The following PLEKHH2 variants were observed in gnomAD, a reference collection of about 807,000 sequenced individuals.
PLEKHH2 encodes the protein pleckstrin homology domain-containing family H member 2.
A neutral mutation model predicts 187.9 loss-of-function variants in PLEKHH2; 129 were observed. The ratio of observed to expected loss-of-function variants is 0.69; its 90% CI spans 0.59 to 0.79. The LOEUF (loss-of-function observed/expected upper bound fraction) is 0.79, where lower values mean the gene tolerates loss of function less well. PLEKHH2 is among the 30% of genes least tolerant of loss of function. The probability of loss-of-function intolerance (pLI) is 0.00; values close to 1 mark genes in which losing one functional copy is unlikely to be tolerated. For synonymous variants in PLEKHH2, 686 were observed against 605.6 expected (o/e 1.13, Z -1.95); for missense variants, 2,076 against 1,751.2 (o/e 1.19, Z -3.31).
At chr2:43,637,462 G>C (rs1377668160) in intron 1 of PLEKHH2, 83 bp downstream of exon 1, 3 of 152,524 alleles carry the variant, frequency 2.0e-5, no homozygotes, top group East Asian at 3.9e-4. Flanking sequence ...CCCCGTCCAG[G>C]GGGGCTCGCG....
intron 1 of PLEKHH2, among the ~76,000 whole-genome samples, chr2:43,641,980 A>G (rs1665959876): frequency 1.3e-5 from 2 of 152,208 alleles, no homozygotes; most frequent in Admixed American, 1.3e-4. Flanking sequence ...ATTTCCAGGC[A>G]AAGTTTGATC....
At chr2:43,738,046 G>A (rs1399854808) in intron 19 of PLEKHH2, among the ~76,000 whole-genome samples, 1 of 152,192 alleles carries the variant, frequency 6.6e-6, no homozygotes. Flanking sequence ...CATGTATTCT[G>A]AAGCTCTGTT....
chr2:43,732,626 A>G (rs1444223818), intron 19 of PLEKHH2, among the ~76,000 whole-genome samples: 1 of 152,152 alleles, frequency 6.6e-6, no homozygotes, highest in Non-Finnish European at 1.5e-5. Context: ...CTAGCCTACA[A>G]GCTCTTATAT....
chr2:43,717,146 G>A (rs1670252037), intron 15 of PLEKHH2, among the ~76,000 whole-genome samples: 1 of 152,168 alleles, frequency 6.6e-6, no homozygotes, highest in Non-Finnish European at 1.5e-5. Flanking sequence ...GGCCAAGCAT[G>A]GTGGCTCATG....
At chr2:43,680,822 A>G (rs2104432843) in intron 3 of PLEKHH2, 1 of 439,866 alleles carries the variant, frequency 2.3e-6, no homozygotes, top group Non-Finnish European at 4.2e-6. Flanking sequence ...ATCTTTCTTG[A>G]TTGTATTTGC....
intron 19 of PLEKHH2, among the ~76,000 whole-genome samples, chr2:43,734,733 A>G (rs1399527252): frequency 6.6e-6 from 1 of 152,288 alleles, no homozygotes; most frequent in Middle Eastern, 3.2e-3. Context: ...CATGTGATCC[A>G]GCAGTCTCAC....
intron 2 of PLEKHH2, among the ~76,000 whole-genome samples, chr2:43,674,564 A>T (rs1042155806): frequency 1.9e-4 from 29 of 152,226 alleles, no homozygotes; most frequent in African/African-American, 7.0e-4. Flanking sequence ...TGCTCATTAA[A>T]CATTTGAAAT....
At chr2:43,700,792 G>A (rs559212491) in intron 8 of PLEKHH2, among the ~76,000 whole-genome samples, 184 bp downstream of exon 8, 1 of 152,008 alleles carries the variant, frequency 6.6e-6, no homozygotes, top group Non-Finnish European at 1.5e-5. Context: ...AGCTGATACA[G>A]GCATGCACTA....
intron 20 of PLEKHH2, 107 bp from the exon 21 acceptor site, chr2:43,740,839 A>G (rs941209571): frequency 1.0e-5 from 15 of 1,461,870 alleles, no homozygotes; most frequent in Middle Eastern, 2.5e-4. Context: ...GAAAGAAGCA[A>G]AACGTTTTTG....
chr2:43,692,866 A>G (rs560008820), intron 4 of PLEKHH2, among the ~76,000 whole-genome samples: 2 of 152,294 alleles, frequency 1.3e-5, no homozygotes, highest in Admixed American at 6.5e-5. Flanking sequence ...CCAAGGCAAG[A>G]TCTAACACTT....
At chr2:43,692,893 C>T (rs977505715) in intron 4 of PLEKHH2, among the ~76,000 whole-genome samples, 2 of 152,068 alleles carry the variant, frequency 1.3e-5, no homozygotes, top group African/African-American at 4.8e-5. Flanking sequence ...TGTGAGAATG[C>T]TCGTTAATAT....
chr2:43,655,299 A>G (rs1328205933), intron 2 of PLEKHH2, among the ~76,000 whole-genome samples: 2 of 152,162 alleles, frequency 1.3e-5, no homozygotes, highest in Non-Finnish European at 2.9e-5. Flanking sequence ...CAACAAAAAA[A>G]TATCTGTATA....
At chr2:43,648,806 C>T (rs1409308722) in intron 2 of PLEKHH2, among the ~76,000 whole-genome samples, 6 of 151,254 alleles carry the variant, frequency 4.0e-5, no homozygotes, top group Non-Finnish European at 7.4e-5. Flanking sequence ...TCTTGAACTC[C>T]TGACCTCAAG....
intron 2 of PLEKHH2, among the ~76,000 whole-genome samples, chr2:43,657,942 T>C (rs2104370466): frequency 6.6e-6 from 1 of 152,208 alleles, no homozygotes; most frequent in East Asian, 1.9e-4. Context: ...TGCCTACACT[T>C]TAAATTATAA....
intron 2 of PLEKHH2, chr2:43,675,517 G>C: frequency 1.2e-6 from 2 of 1,613,998 alleles, no homozygotes; most frequent in Non-Finnish European, 8.5e-7. Context: ...AGCCATATCT[G>C]AACAGCAGCC....
intron 14 of PLEKHH2, 24 bp from the exon 15 acceptor site, chr2:43,712,200 CT>C: frequency 1.2e-6 from 2 of 1,604,326 alleles, no homozygotes; most frequent in South Asian, 2.2e-5. Context: ...GTTTTCTTTC[CT>C]ATACCTTTCT....
At chr2:43,726,998 T>C in intron 17 of PLEKHH2, among the ~76,000 whole-genome samples, 1 of 152,212 alleles carries the variant, frequency 6.6e-6, no homozygotes. Flanking sequence ...TCCAGATTAT[T>C]ATTTTCATCT....
Position 43,762,449 on chromosome 2 carries a change from G to A in PLEKHH2, c.4158+59G>A, listed in dbSNP as rs371093687. On this transcript the variant is annotated intron_variant, in intron 28 of 29. Coordinates refer to ENST00000282406, the MANE Select transcript of PLEKHH2 (RefSeq NM_172069.4). ...AACTGTTTCCATTGCTCAGTGTACC[G>A]TAAACAGAAAGTAATGATATCTTAA... 1,163 of 1,280,848 alleles carry A rather than the reference G, an allele frequency of 9.1e-4. 18 individuals carry two copies. The South Asian group carries it at 0.012, about 14-fold the overall frequency. 79.3% of individuals were successfully genotyped at this position (1,280,848 alleles called of 1,614,324 possible).
At chr2:43,728,636 A>G (rs1249882561) in intron 17 of PLEKHH2, among the ~76,000 whole-genome samples, 2 of 146,980 alleles carry the variant, frequency 1.4e-5, no homozygotes, top group East Asian at 4.1e-4. Flanking sequence ...ATCTCGGCTC[A>G]CTGCAACCTC....
Sources: allele counts gnomAD v4.1 joint callset (sites outside exome capture counted in the v4.1 genomes callset), GRCh38; gene constraint gnomAD v4.1.1; transcripts MANE v1.5; gene names NCBI Gene and HGNC (gene_info 2026-07-23, HGNC 2026-07-21).